The following GPR21 variants were observed in gnomAD, a reference collection of about 807,000 sequenced individuals.
The protein encoded by GPR21 is probable G protein-coupled receptor 21.
Under a neutral mutation model 21.5 loss-of-function variants are expected in GPR21, and 9 were observed. That is an observed-to-expected ratio of 0.42 (90% CI 0.25 to 0.73). GPR21 has a LOEUF of 0.73. GPR21 is among the 30% of genes least tolerant of loss of function. The pLI, the probability that GPR21 is intolerant of heterozygous loss-of-function variation, is 0.27. For missense variants in GPR21, 416 were observed against 428.9 expected (o/e 0.97, Z 0.27); for synonymous variants, 169 against 159.3 (o/e 1.06, Z -0.46).
downstream of GPR21, among the ~76,000 whole-genome samples, chr9:123,036,742 G>A (rs1449677962): frequency 1.3e-5 from 2 of 151,490 alleles, no homozygotes; most frequent in Non-Finnish European, 2.9e-5. Context: ...AAGAGGAGAA[G>A]GGAAAACACT....
In GPR21 at chr9:123,034,299, G is replaced by A. The variant is rs149580578; in HGVS notation, c.-268G>A. ...CCAGAGTTTACCTTGCTCCCCTGGT[G>A]CTATGTGTATGGTGAACCTGGCACT... On this transcript the variant is annotated 5_prime_UTR_variant, in exon 2 of 2. Coordinates refer to ENST00000616002, the MANE Select transcript of GPR21 (RefSeq NM_005294.3). The A allele has an allele frequency of 8.3e-5, 41 of 492,298 alleles. 1 individual carries two copies. The East Asian group carries it at 1.3e-3, about 16-fold the overall frequency. The allele number at this position is 492,298 out of a possible 1,614,324, so 30.5% of individuals were successfully genotyped here.
At chr9:123,043,136 C>T in the GPR21 span, among the ~76,000 whole-genome samples, 2 of 152,128 alleles carry the variant, frequency 1.3e-5, no homozygotes, top group African/African-American at 4.8e-5. Flanking sequence ...AAATATTCAC[C>T]TGCCTTAACG....
chr9:123,044,675 G>A, the GPR21 span, among the ~76,000 whole-genome samples: 1 of 151,982 alleles, frequency 6.6e-6, no homozygotes, highest in East Asian at 1.9e-4. Context: ...ATATGAGTAT[G>A]TGTGCTGGTA....
In GPR21 at chr9:123,035,212, C is replaced by G. The variant is rs1055452356; in HGVS notation, c.646C>G (p.Arg216Gly). ...IVCFTYFNIF[R>G]ICQQHTKDIS... ...CTGCTTCACCTATTTCAACATCTTC[C>G]GCATCTGCCAACAGCACACAAAGGA... The change falls in exon 2 of 2, where the codon CGC (arginine) becomes GGC (glycine). Residue 216 changes from arginine (R) to glycine (G), a missense_variant. Transcript: ENST00000616002. 6.2e-6 allele frequency: 10 copies of G among 1,614,138 alleles called. No homozygotes were observed. The highest frequency in any genetic ancestry group is 8.5e-6 in the Non-Finnish European group (10 of 1,180,016).
At chr9:123,042,612 G>C in the GPR21 span, among the ~76,000 whole-genome samples, 15 of 152,096 alleles carry the variant, frequency 9.9e-5, no homozygotes, top group Non-Finnish European at 1.8e-4. Context: ...CAGTAAGCAG[G>C]CTAGAAAATG....
chr9:123,048,280 C>A, the GPR21 span, among the ~76,000 whole-genome samples: 1 of 152,134 alleles, frequency 6.6e-6, no homozygotes, highest in South Asian at 2.1e-4. Flanking sequence ...ACATTTAAAT[C>A]TCTGATTTGT....
rs2032568082 is a variant in GPR21 at position 123,035,273 on chromosome 9, G to C, written c.707G>C (p.Ser236Thr). 3.7e-6 allele frequency: 6 copies of C among 1,614,180 alleles called. No individual in the cohort carries two copies. The highest frequency in any genetic ancestry group is 5.1e-6 in the Non-Finnish European group (6 of 1,180,020). Reference sequence around the variant, plus strand: ...AGGCAAGCCCGCTTCAGCAGCCAGAGTGGGGAGACTGGGGAAGTGCAGGCC... The same window carrying C: ...AGGCAAGCCCGCTTCAGCAGCCAGACTGGGGAGACTGGGGAAGTGCAGGCC... ...SERQARFSSQSGETGEVQACP... is the reference protein window; with the variant it reads ...SERQARFSSQTGETGEVQACP... The change falls in exon 2 of 2, where the codon AGT (serine) becomes ACT (threonine). Residue 236 changes from serine (S) to threonine (T), a missense_variant. Physicochemically the swap from Ser to Thr is moderately conservative, Grantham distance 58 (BLOSUM62 1). Transcript: ENST00000616002.
chr9:123,043,348 G>C, the GPR21 span, among the ~76,000 whole-genome samples: 1 of 152,112 alleles, frequency 6.6e-6, no homozygotes, highest in Non-Finnish European at 1.5e-5. Context: ...AACAAAGAAG[G>C]CACTAGGAGG....
downstream of GPR21, among the ~76,000 whole-genome samples, chr9:123,036,813 G>A (rs1437544858): frequency 2.0e-5 from 3 of 151,330 alleles, no homozygotes; most frequent in African/African-American, 7.3e-5. Flanking sequence ...AGTTCTTAAT[G>A]GTCTTTTTTT....
the GPR21 span, among the ~76,000 whole-genome samples, chr9:123,041,409 T>C: frequency 2.0e-5 from 3 of 152,184 alleles, no homozygotes; most frequent in South Asian, 4.1e-4. Flanking sequence ...AACATAGGCT[T>C]AGAGAGGTTA....
Position 123,034,830 on chromosome 9 carries a change from A to T in GPR21, c.264A>T (p.Ser88=). Reference sequence around the variant, plus strand: ...TGAGCTGCGTGGTCCCTTCTTTATCACTCCTCCATCACCCCCTTCCAGTAG... The same window carrying T: ...TGAGCTGCGTGGTCCCTTCTTTATCTCTCCTCCATCACCCCCTTCCAGTAG... ...VGVSCVVPSL[S]LLHHPLPVEE... The change falls in exon 2 of 2, where the codon TCA becomes TCT. Residue 88 remains serine (S), a synonymous_variant. Transcript: ENST00000616002. The T allele has an allele frequency of 6.2e-7, 1 of 1,613,284 alleles. No individual in the cohort carries two copies. The highest frequency in any genetic ancestry group is 8.5e-7 in the Non-Finnish European group (1 of 1,179,766).
At chr9:123,046,219 G>A in the GPR21 span, among the ~76,000 whole-genome samples, 18 of 152,298 alleles carry the variant, frequency 1.2e-4, no homozygotes, top group Admixed American at 2.6e-4. Flanking sequence ...ACTTCATCAA[G>A]GGAATAATAA....
chr9:123,037,884 T>C (rs1250622055), downstream of GPR21, among the ~76,000 whole-genome samples: 1 of 152,140 alleles, frequency 6.6e-6, no homozygotes, highest in Non-Finnish European at 1.5e-5. Flanking sequence ...ACATTTAGTT[T>C]AAATACCAGT....
chr9:123,036,816 CT>C (rs35388646), downstream of GPR21, among the ~76,000 whole-genome samples: 935 of 141,870 alleles, frequency 6.6e-3, 4 homozygotes, highest in African/African-American at 0.019. Flanking sequence ...TCTTAATGGT[CT>C]TTTTTTTTTT....
At chr9:123,044,065 T>C in the GPR21 span, among the ~76,000 whole-genome samples, 7 of 151,952 alleles carry the variant, frequency 4.6e-5, no homozygotes, top group Admixed American at 2.0e-4. Flanking sequence ...CATGCATGGC[T>C]AGTTTTTTTT....
the GPR21 span, among the ~76,000 whole-genome samples, chr9:123,047,208 C>G: frequency 4.6e-5 from 7 of 152,188 alleles, no homozygotes; most frequent in Admixed American, 4.6e-4. Flanking sequence ...CAGTACTAAT[C>G]AAAATGTTCT....
rs1430622692 is a variant in GPR21 at position 123,034,823 on chromosome 9, C to A, written c.257C>A (p.Ser86Tyr). The change falls in exon 2 of 2, where the codon TCT (serine) becomes TAT (tyrosine). Residue 86 changes from serine to tyrosine, a missense_variant. Transcript: ENST00000616002. ...GTTGGGGTGAGCTGCGTGGTCCCTT[C>A]TTTATCACTCCTCCATCACCCCCTT... ...LFVGVSCVVP[S>Y]LSLLHHPLPV... The A allele has an allele frequency of 1.2e-6, 2 of 1,613,902 alleles. No homozygotes were observed. The highest frequency in any genetic ancestry group is 1.3e-5 in the African/African-American group (1 of 74,918).
At chr9:123,037,697 T>C (rs533445658), downstream of GPR21, among the ~76,000 whole-genome samples, 40 of 152,316 alleles carry the variant, frequency 2.6e-4, no homozygotes, top group Middle Eastern at 3.4e-3. Flanking sequence ...AAAATTGATA[T>C]TAAATCAGCA....
chr9:123,041,239 G>C, the GPR21 span, among the ~76,000 whole-genome samples: 48 of 152,332 alleles, frequency 3.2e-4, no homozygotes, highest in African/African-American at 1.1e-3. Context: ...TGAGGTGCCA[G>C]AGTCAGACAG....
Sources: allele counts gnomAD v4.1 joint callset (sites outside exome capture counted in the v4.1 genomes callset), GRCh38; gene constraint gnomAD v4.1.1; transcripts MANE v1.5; gene names NCBI Gene and HGNC (gene_info 2026-07-23, HGNC 2026-07-21).